Variants in CDH18 observed in about 807,000 individuals in gnomAD.
The protein encoded by CDH18 is cadherin-18.
CDH18 carries 31 observed loss-of-function variants against 67.9 expected under a neutral mutation model. The observed-to-expected ratio is 0.46, with a 90% confidence interval of 0.34 to 0.62. The LOEUF (loss-of-function observed/expected upper bound fraction) is 0.62. CDH18 is among the 20% of genes least tolerant of loss of function. The probability of loss-of-function intolerance (pLI) is 0.01; values close to 1 mark genes in which losing one functional copy is unlikely to be tolerated. For missense variants in CDH18, 890 were observed against 975.5 expected, an observed-to-expected ratio of 0.91 and a Z score of 1.17; for synonymous variants, 362 against 347.2, an observed-to-expected ratio of 1.04 and a Z score of -0.48.
intron 6 of CDH18, among the ~76,000 whole-genome samples, chr5:19,602,057 T>C (rs189072004): frequency 2.6e-5 from 4 of 152,298 alleles, no homozygotes; most frequent in Admixed American, 2.6e-4. Flanking sequence ...GGATGCCTAC[T>C]TTTGAACTTT....
At chr5:20,206,006 G>C (rs914211979) in intron 2 of CDH18, among the ~76,000 whole-genome samples, 14 of 151,626 alleles carry the variant, frequency 9.2e-5, no homozygotes, top group Non-Finnish European at 1.9e-4. Flanking sequence ...TTAGAGCAGA[G>C]ATAAATAACA....
intron 10 of CDH18, among the ~76,000 whole-genome samples, chr5:19,516,308 C>A (rs189930734): frequency 6.6e-6 from 1 of 152,124 alleles, no homozygotes; most frequent in African/African-American, 2.4e-5. Context: ...GTCTAAAATT[C>A]TCTATTTTTG....
At chr5:20,431,264 G>A (rs1405632282) in intron 1 of CDH18, among the ~76,000 whole-genome samples, 1 of 152,010 alleles carries the variant, frequency 6.6e-6, no homozygotes, top group African/African-American at 2.4e-5. Context: ...GCCATGATGT[G>A]CAGATCACTT....
intron 3 of CDH18, among the ~76,000 whole-genome samples, chr5:19,762,531 A>G (rs1361438897): frequency 6.6e-6 from 1 of 152,060 alleles, no homozygotes; most frequent in Non-Finnish European, 1.5e-5. Flanking sequence ...GCAAATCAAA[A>G]CCACACCAGT....
intron 5 of CDH18, among the ~76,000 whole-genome samples, chr5:19,711,824 C>A (rs1422827587): frequency 8.6e-5 from 13 of 151,864 alleles, no homozygotes; most frequent in Admixed American, 8.5e-4. Context: ...CTACTACTAC[C>A]CAAAGAAAAT....
intron 3 of CDH18, among the ~76,000 whole-genome samples, chr5:19,748,890 C>T (rs1770472211): frequency 6.6e-6 from 1 of 151,958 alleles, no homozygotes; most frequent in Admixed American, 6.6e-5. Flanking sequence ...AAAATTTTGA[C>T]AGGAATCACA....
intron 5 of CDH18, among the ~76,000 whole-genome samples, chr5:19,695,745 C>T (rs1032530451): frequency 6.6e-6 from 1 of 152,130 alleles, no homozygotes; most frequent in African/African-American, 2.4e-5. Flanking sequence ...ATTGCAAGCA[C>T]TATGTATAGC....
At position 20,175,977 on chromosome 5, in the gene CDH18, C is replaced by T. The variant is rs571653602; in HGVS notation, c.-518+79467G>A. On this transcript the variant is annotated intron_variant, in intron 2 of 14. Transcript: ENST00000507958. ...CATTACAAGCTATATGATTATTTTCCATCAAGTGAATGTGAGTAGAAGTTA... is the reference window on the plus strand; with the variant it reads ...CATTACAAGCTATATGATTATTTTCTATCAAGTGAATGTGAGTAGAAGTTA... Among the ~76,000 whole-genome samples, 99 of 152,236 alleles carry T rather than the reference C, an allele frequency of 6.5e-4. 2 individuals carry two copies. The South Asian group carries it at 0.02, about 31-fold the overall frequency.
chr5:19,580,915 C>A (rs975916492), intron 7 of CDH18, among the ~76,000 whole-genome samples: 1 of 151,808 alleles, frequency 6.6e-6, no homozygotes, highest in East Asian at 1.9e-4. Flanking sequence ...ATAATAAATT[C>A]ACCATTAAAA....
intron 5 of CDH18, among the ~76,000 whole-genome samples, chr5:19,693,751 G>T (rs1452610165): frequency 6.6e-6 from 1 of 151,886 alleles, no homozygotes; most frequent in Non-Finnish European, 1.5e-5. Context: ...ACAAAAATTA[G>T]CTCAGCATAG....
At chr5:19,909,135 A>C (rs1408109155) in intron 2 of CDH18, among the ~76,000 whole-genome samples, 1 of 152,118 alleles carries the variant, frequency 6.6e-6, no homozygotes, top group East Asian at 1.9e-4. Context: ...ACATTTATGG[A>C]GGAAATGCAA....
intron 2 of CDH18, among the ~76,000 whole-genome samples, chr5:19,896,397 C>T (rs940979514): frequency 3.9e-5 from 6 of 152,160 alleles, no homozygotes; most frequent in African/African-American, 1.2e-4. Context: ...TCCTAGATTA[C>T]TTGGGTGAGA....
chr5:20,256,761 T>C (rs1744263631), intron 1 of CDH18, among the ~76,000 whole-genome samples: 1 of 151,952 alleles, frequency 6.6e-6, no homozygotes, highest in Non-Finnish European at 1.5e-5. Flanking sequence ...AATCTGGAGT[T>C]GAAGAGAGTC....
chr5:20,412,611 C>T (rs1746885074), intron 1 of CDH18, among the ~76,000 whole-genome samples: 1 of 152,070 alleles, frequency 6.6e-6, no homozygotes, highest in African/African-American at 2.4e-5. Flanking sequence ...ACAAAGAACC[C>T]ATGCCTAGAA....
intron 1 of CDH18, among the ~76,000 whole-genome samples, chr5:20,571,409 T>C (rs1009330041): frequency 5.3e-5 from 8 of 152,134 alleles, no homozygotes; most frequent in African/African-American, 1.9e-4. Flanking sequence ...ATTTTATTTA[T>C]GGTTCACATC....
chr5:20,400,598 CA>C (rs368604780), intron 1 of CDH18, among the ~76,000 whole-genome samples: 2 of 146,034 alleles, frequency 1.4e-5, no homozygotes, highest in Non-Finnish European at 3.0e-5. Flanking sequence ...ACTAAAAATA[CA>C]AAAAAAAAAA....
intron 1 of CDH18, among the ~76,000 whole-genome samples, chr5:20,334,007 G>A (rs899063230): frequency 6.6e-6 from 1 of 151,936 alleles, no homozygotes; most frequent in Non-Finnish European, 1.5e-5. Context: ...TCATGTTTTG[G>A]AATATCTTGA....
At chr5:19,967,231 A>G (rs1797537673) in intron 2 of CDH18, among the ~76,000 whole-genome samples, 1 of 152,082 alleles carries the variant, frequency 6.6e-6, no homozygotes. Flanking sequence ...TAAAGGATAC[A>G]TTAATTACAA....
At chr5:20,146,202 ACTAGTAGCCTGT>A (rs1185187484) in intron 2 of CDH18, among the ~76,000 whole-genome samples, 4 of 151,872 alleles carry the variant, frequency 2.6e-5, no homozygotes, top group Non-Finnish European at 5.9e-5. Context: ...TCCTTCCTTA[ACTAGTAGCCTGT>A]CTTCCCAACC....
Sources: allele counts gnomAD v4.1 joint callset (sites outside exome capture counted in the v4.1 genomes callset), GRCh38; gene constraint gnomAD v4.1.1; transcripts MANE v1.5; gene names NCBI Gene and HGNC (gene_info 2026-07-23, HGNC 2026-07-21).